The following NRG1 variants were observed in gnomAD, a reference collection of about 807,000 sequenced individuals.
NRG1 encodes the protein neuregulin 1, also known as pro-neuregulin-1, membrane-bound isoform.
In NRG1, 18 loss-of-function variants were observed where a neutral mutation model predicts 63.8. The ratio of observed to expected loss-of-function variants is 0.28; its 90% confidence interval spans 0.19 to 0.42. NRG1 has a LOEUF of 0.42. NRG1 is among the 10% of genes least tolerant of loss of function. NRG1 has a pLI of 1.00. For missense variants in NRG1, 762 were observed against 814.7 expected (o/e 0.94, Z 0.79); for synonymous variants, 302 against 301.3 (o/e 1.00, Z -0.02).
chr8:31,648,194 C>T (rs1434432651), intron 1 of NRG1, among the ~76,000 whole-genome samples: 1 of 127,670 alleles, frequency 7.8e-6, no homozygotes, highest in African/African-American at 3.1e-5. Flanking sequence ...AGTGCTGTGG[C>T]GCGATCTCGA....
At chr8:32,047,060 C>A (rs575596391) in intron 1 of NRG1, among the ~76,000 whole-genome samples, 53 of 152,062 alleles carry the variant, frequency 3.5e-4, no homozygotes, top group African/African-American at 1.1e-3. Context: ...TTTTGCCCAG[C>A]ATTGTTGTGA....
At chr8:31,953,848 G>A (rs327381) in intron 1 of NRG1, among the ~76,000 whole-genome samples, 4,815 of 152,208 alleles carry the variant, frequency 0.032, 251 homozygotes, top group African/African-American at 0.11. Context: ...AGGTGATGTC[G>A]CACACGGAAA....
chr8:32,759,755 C>T (rs1286494082), intron 10 of NRG1, among the ~76,000 whole-genome samples: 2 of 152,092 alleles, frequency 1.3e-5, no homozygotes, highest in Non-Finnish European at 2.9e-5. Context: ...AATTGGATTG[C>T]CCTGGGAAAT....
chr8:31,805,827 C>CA (rs58107730), intron 1 of NRG1, among the ~76,000 whole-genome samples: 48,089 of 105,246 alleles, frequency 0.46, 11,382 homozygotes, highest in East Asian at 0.65. Flanking sequence ...GACTCCGTCT[C>CA]AAAAAAAAAA....
chr8:32,717,242 G>T (rs1420685338), intron 5 of NRG1, among the ~76,000 whole-genome samples: 1 of 151,674 alleles, frequency 6.6e-6, no homozygotes, highest in Non-Finnish European at 1.5e-5. Flanking sequence ...GGCGGGGGTG[G>T]CAAGAAAAAA....
chr8:32,197,254 G>A (rs891015635), intron 1 of NRG1, among the ~76,000 whole-genome samples: 7 of 151,952 alleles, frequency 4.6e-5, no homozygotes, highest in South Asian at 2.1e-4. Flanking sequence ...GAGCCACCAC[G>A]CCCAGCCTAG....
chr8:32,507,567 AAAC>A (rs1366798787), intron 1 of NRG1, among the ~76,000 whole-genome samples: 1 of 152,214 alleles, frequency 6.6e-6, no homozygotes, highest in Non-Finnish European at 1.5e-5. Context: ...GCAAAAAACA[AAAC>A]AACAACAAAA....
chr8:32,085,960 C>A (rs555302388), intron 1 of NRG1, among the ~76,000 whole-genome samples: 1 of 152,314 alleles, frequency 6.6e-6, no homozygotes, highest in South Asian at 2.1e-4. Context: ...TTAGCCAGTT[C>A]TTAGTCATTC....
At chr8:32,476,580 C>T (rs1032893126) in intron 1 of NRG1, among the ~76,000 whole-genome samples, 7 of 152,192 alleles carry the variant, frequency 4.6e-5, no homozygotes, top group Admixed American at 6.5e-5. Context: ...GTTTATAAGA[C>T]ATTTCCATGT....
At chr8:31,811,501 C>T (rs543914709) in intron 1 of NRG1, among the ~76,000 whole-genome samples, 3 of 152,218 alleles carry the variant, frequency 2.0e-5, no homozygotes, top group East Asian at 3.9e-4. Flanking sequence ...TAAGATTTGG[C>T]GTACAGGGAA....
intron 1 of NRG1, among the ~76,000 whole-genome samples, chr8:32,146,261 A>C (rs1427255346): frequency 1.3e-5 from 2 of 152,222 alleles, no homozygotes; most frequent in African/African-American, 4.8e-5. Context: ...TCCTAAGAGA[A>C]CTTGTGAAAG....
chr8:32,123,460 T>C (rs937634553), intron 1 of NRG1, among the ~76,000 whole-genome samples: 13 of 151,872 alleles, frequency 8.6e-5, no homozygotes, highest in Admixed American at 7.2e-4. Flanking sequence ...TCCCCAGCCA[T>C]GTAGAACTGT....
At chr8:32,629,678 T>C (rs1404536602) in intron 5 of NRG1, among the ~76,000 whole-genome samples, 1 of 152,226 alleles carries the variant, frequency 6.6e-6, no homozygotes, top group African/African-American at 2.4e-5. Context: ...ATTTTAAATT[T>C]ATTTCTGTTT....
rs546416250 is a variant in NRG1 at position 32,469,133 on chromosome 8, C to T, written c.38-126695C>T. ...CGTGGTGCAGGAATAACTCAGCCAA[C>T]ATCCCCCTCCTTTGGGAAATTTAGA... On this transcript the variant is annotated intron_variant, in intron 1 of 10. Coordinates refer to the NRG1 transcript ENST00000519301. Among the ~76,000 whole-genome samples, 5 of 152,320 alleles carry T rather than the reference C, an allele frequency of 3.3e-5. No homozygotes were observed. The East Asian group carries it at 9.6e-4, about 29-fold the overall frequency.
At chr8:31,676,198 G>T (rs955961501) in intron 1 of NRG1, among the ~76,000 whole-genome samples, 1 of 152,062 alleles carries the variant, frequency 6.6e-6, no homozygotes, top group Non-Finnish European at 1.5e-5. Context: ...CTGAGCATGG[G>T]AACAGCCTTT....
chr8:32,021,163 A>G (rs544915932), intron 1 of NRG1, among the ~76,000 whole-genome samples: 1 of 152,192 alleles, frequency 6.6e-6, no homozygotes, highest in Non-Finnish European at 1.5e-5. Flanking sequence ...TTTTTCAGAA[A>G]AAATGCCTTA....
chr8:32,684,096 G>T (rs1809434211), intron 5 of NRG1, among the ~76,000 whole-genome samples: 1 of 152,150 alleles, frequency 6.6e-6, no homozygotes. Flanking sequence ...ACTCCGGGAG[G>T]CGGAGGTTGC....
chr8:32,105,607 CTACAGTACTA>C lies in NRG1; in HGVS notation c.37+466179_37+466188del, dbSNP rs778836522. ...GGACACAGCTAAACCATATCAGTGA[CTACAGTACTA>C]TAGCAGTTGAATAGTTTTTTTTAAA... On this transcript the variant is annotated intron_variant, in intron 1 of 10. Transcript: ENST00000519301. Among the ~76,000 whole-genome samples the C allele has an allele frequency of 7.2e-5, 11 of 152,172 alleles. No individual in the cohort carries two copies. In the East Asian group the frequency reaches 1.5e-3, roughly 21 times the overall value.
At chr8:32,539,625 G>A (rs1368844031) in intron 1 of NRG1, among the ~76,000 whole-genome samples, 2 of 152,126 alleles carry the variant, frequency 1.3e-5, no homozygotes, top group African/African-American at 4.8e-5. Context: ...TGGAAATACA[G>A]GCTTGCAGTT....
Sources: allele counts gnomAD v4.1 joint callset (sites outside exome capture counted in the v4.1 genomes callset), GRCh38; gene constraint gnomAD v4.1.1; transcripts MANE v1.5; gene names NCBI Gene and HGNC (gene_info 2026-07-23, HGNC 2026-07-21).